The following ARID1B variants were observed in gnomAD, a reference collection of about 807,000 sequenced individuals.
ARID1B encodes AT-rich interactive domain-containing protein 1B.
Under a neutral mutation model 212.3 loss-of-function variants are expected in ARID1B, and 30 were observed. The observed-to-expected ratio is 0.14, with a 90% CI of 0.11 to 0.19. The LOEUF is 0.19. Ranked by LOEUF, ARID1B falls within the 10% of genes least tolerant of loss-of-function variation. The probability of loss-of-function intolerance (pLI) is 1.00; values close to 1 mark genes in which losing one functional copy is unlikely to be tolerated. For synonymous variants in ARID1B, 1,402 were observed against 1,301.7 expected, an observed-to-expected ratio of 1.08 and a Z score of -1.66; for missense variants, 2,891 against 3,204.0, an observed-to-expected ratio of 0.90 and a Z score of 2.36.
In ARID1B at chr6:157,198,736, A is replaced by G. The variant is rs1240582646; in HGVS notation, c.4383-75A>G. 1.9e-5 allele frequency: 25 copies of G among 1,306,874 alleles called. 1 individual carries two copies. In the South Asian group the frequency reaches 2.0e-4, roughly 10 times the overall value. The allele number at this position is 1,306,874 out of a possible 1,614,324, so 81.0% of individuals were successfully genotyped here. ...AGCTGCTTGAGGGAGTCAGGGTTCC[A>G]GAAATGGATTGTTTATTTCTCTGTT... On this transcript the variant is annotated intron_variant, in intron 16 of 19. Coordinates refer to ENST00000636930, the MANE Select transcript of ARID1B (RefSeq NM_001374828.1).
intron 1 of ARID1B, among the ~76,000 whole-genome samples, chr6:156,817,689 C>A (rs1782064699): frequency 6.6e-6 from 1 of 151,876 alleles, no homozygotes; most frequent in African/African-American, 2.4e-5. Context: ...AAATTTACAG[C>A]AAAGTTGCAA....
intron 2 of ARID1B, among the ~76,000 whole-genome samples, chr6:156,866,836 G>A (rs1009125251): frequency 3.3e-5 from 5 of 152,184 alleles, no homozygotes; most frequent in South Asian, 4.1e-4. Flanking sequence ...CTGTCTACAC[G>A]AGTTCTTTTG....
chr6:156,894,745 G>GT (rs897409437), intron 2 of ARID1B, among the ~76,000 whole-genome samples: 34 of 152,328 alleles, frequency 2.2e-4, no homozygotes, highest in African/African-American at 7.9e-4. Context: ...ACTGGGGCGT[G>GT]TTTTAGTATC....
intron 4 of ARID1B, among the ~76,000 whole-genome samples, chr6:156,957,870 T>G (rs180735340): frequency 6.6e-6 from 1 of 152,304 alleles, no homozygotes; most frequent in Non-Finnish European, 1.5e-5. Context: ...GAGTCCATCT[T>G]GCTGCCCCTT....
chr6:157,020,485 CTT>C (rs1416408214), intron 4 of ARID1B, among the ~76,000 whole-genome samples: 1 of 151,990 alleles, frequency 6.6e-6, no homozygotes, highest in Non-Finnish European at 1.5e-5. Context: ...TTAACCCAAA[CTT>C]TAACTTTTTT....
Position 157,054,223 on chromosome 6 carries a change from C to CAAAAAAAAAAA in ARID1B, c.2248-30431_2248-30430insAAAAAAAAAAA, listed in dbSNP as rs71645383. 7.4e-4 allele frequency among the ~76,000 whole-genome samples: 107 copies of CAAAAAAAAAAA among 144,548 alleles called. 3 individuals are homozygous for CAAAAAAAAAAA. The highest frequency in any genetic ancestry group is 2.2e-3 in the East Asian group (11 of 4,984). The allele number at this position is 144,548 out of a possible 152,430, so 94.8% of individuals were successfully genotyped here. A position where few individuals can be genotyped will look rare whatever the true frequency, so the allele number is the denominator to read the frequency against. ...TGGGCCACAGAGCAAGACTCTGTCT[C>CAAAAAAAAAAA]AAAAAAAAGAAGGTGGATGGCCAGG... On this transcript the variant is annotated intron_variant, in intron 4 of 19. Coordinates refer to ENST00000636930, the MANE Select transcript of ARID1B (RefSeq NM_001374828.1).
rs1216242569 is a variant in ARID1B, at chr6:157,031,712, C to T, written c.2248-52950C>T. Among the ~76,000 whole-genome samples the T allele has an allele frequency of 2.0e-5, 3 of 152,268 alleles. No individual in the cohort carries two copies. The East Asian group carries it at 5.8e-4, about 29-fold the overall frequency. ...AAAATTAAAATGGAGTCACCCCCTC[C>T]TCTTGTTATTTCACAATAAATTACA... On this transcript the variant is annotated intron_variant, in intron 4 of 19. Transcript: ENST00000636930.
rs139298316 is a variant in ARID1B at position 156,818,404 on chromosome 6, T to C, written c.1792-10823T>C. Reference sequence around the variant, plus strand: ...TTTTTAAGTTGTTTATTTAAAATATTGATAAAATAGTTGGAAAGAGGCATG... The same window carrying C: ...TTTTTAAGTTGTTTATTTAAAATATCGATAAAATAGTTGGAAAGAGGCATG... On this transcript the variant is annotated intron_variant, in intron 1 of 19. Coordinates refer to ENST00000636930, the MANE Select transcript of ARID1B (RefSeq NM_001374828.1). Among the ~76,000 whole-genome samples, 320 of 152,276 alleles carry C rather than the reference T, an allele frequency of 2.1e-3. 2 individuals are homozygous for C. The highest frequency in any genetic ancestry group is 7.4e-3 in the African/African-American group (306 of 41,560).
At chr6:157,199,752 C>G (rs1235866480) in intron 17 of ARID1B, among the ~76,000 whole-genome samples, 3 of 152,024 alleles carry the variant, frequency 2.0e-5, no homozygotes, top group African/African-American at 4.8e-5. Flanking sequence ...CAACCTCTGC[C>G]TCCTGGGCTC....
intron 1 of ARID1B, among the ~76,000 whole-genome samples, chr6:156,795,745 C>T (rs1276365405): frequency 6.6e-6 from 1 of 152,170 alleles, no homozygotes; most frequent in African/African-American, 2.4e-5. Flanking sequence ...TCCCGAGACC[C>T]TCTGCGCCCT....
rs9384522 is a variant in ARID1B, at chr6:156,985,883, C to G, written c.2247+50307C>G. ...TGGCTCATCTCGGATCAGGACAACG[C>G]CTGCTTCTGGGTTTGTTGGATGGGA... On this transcript the variant is annotated intron_variant, in intron 4 of 19. Coordinates refer to ENST00000636930, the MANE Select transcript of ARID1B (RefSeq NM_001374828.1). 5.4e-4 allele frequency among the ~76,000 whole-genome samples: 83 copies of G among 152,298 alleles called. 1 individual carries two copies. In the East Asian group the frequency reaches 0.015, roughly 27 times the overall value.
At chr6:157,052,953 C>T (rs538250837) in intron 4 of ARID1B, among the ~76,000 whole-genome samples, 5 of 152,248 alleles carry the variant, frequency 3.3e-5, no homozygotes, top group Admixed American at 6.5e-5. Flanking sequence ...CTCCTGACCT[C>T]GTGATCTGGC....
intron 2 of ARID1B, among the ~76,000 whole-genome samples, chr6:156,850,254 T>C (rs1395039596): frequency 6.6e-6 from 1 of 152,068 alleles, no homozygotes; most frequent in East Asian, 1.9e-4. Context: ...CTACAATATA[T>C]GATTAAATTG....
At chr6:156,938,502 G>T (rs1792432456) in intron 4 of ARID1B, 1 of 152,118 alleles carries the variant, frequency 6.6e-6, no homozygotes, top group Non-Finnish European at 1.5e-5. Flanking sequence ...CTGTAGTTTT[G>T]TAATTTGGAA....
intron 2 of ARID1B, among the ~76,000 whole-genome samples, chr6:156,900,836 G>T (rs146670190): frequency 6.6e-6 from 1 of 152,276 alleles, no homozygotes; most frequent in East Asian, 1.9e-4. Flanking sequence ...CTAAGAAAAT[G>T]CCATCCTTAG....
chr6:157,123,319 A>G (rs1302760323), intron 6 of ARID1B, among the ~76,000 whole-genome samples: 2 of 141,860 alleles, frequency 1.4e-5, no homozygotes, highest in Non-Finnish European at 3.0e-5. Flanking sequence ...TAGGCCGCCC[A>G]GAGCTAATCA....
At chr6:156,894,433 A>C (rs1039111213) in intron 2 of ARID1B, among the ~76,000 whole-genome samples, 1 of 152,226 alleles carries the variant, frequency 6.6e-6, no homozygotes, top group Non-Finnish European at 1.5e-5. Context: ...GTACTTATGC[A>C]TCATTGAACT....
intron 6 of ARID1B, among the ~76,000 whole-genome samples, chr6:157,123,552 G>A (rs1218146607): frequency 2.0e-5 from 3 of 152,220 alleles, no homozygotes; most frequent in Non-Finnish European, 2.9e-5. Flanking sequence ...CCTAGGGGCA[G>A]CCTCGGAAGG....
chr6:157,145,652 A>G (rs1281535456), intron 7 of ARID1B, among the ~76,000 whole-genome samples: 1 of 152,240 alleles, frequency 6.6e-6, no homozygotes, highest in African/African-American at 2.4e-5. Context: ...CATTAGGGTA[A>G]CATTGTTACA....
Sources: gnomAD v4.1 joint callset for allele counts (sites outside exome capture counted in the v4.1 genomes callset) on GRCh38, gnomAD v4.1.1 for gene constraint, MANE v1.5 for transcripts, NCBI Gene and HGNC (gene_info 2026-07-23, HGNC 2026-07-21) for gene names.